Variants in PDE3B observed in about 807,000 individuals in gnomAD.
PDE3B encodes the protein phosphodiesterase 3B, also known as cGMP-inhibited 3',5'-cyclic phosphodiesterase 3B.
Under a neutral mutation model 116.8 loss-of-function variants are expected in PDE3B, and 66 were observed. That is an observed-to-expected ratio of 0.56 (90% CI 0.46 to 0.69). PDE3B has a LOEUF of 0.69. Ranked by LOEUF, PDE3B falls within the 30% of genes least tolerant of loss-of-function variation. The pLI, the probability that PDE3B is intolerant of heterozygous loss-of-function variation, is 0.00. For synonymous variants in PDE3B, 595 were observed against 533.6 expected, an observed-to-expected ratio of 1.12 and a Z score of -1.59; for missense variants, 1,384 against 1,368.1, an observed-to-expected ratio of 1.01 and a Z score of -0.18.
rs557007165 is a variant in PDE3B, at chr11:14,804,610, G to T, written c.1522+560G>T. ...CACATAGGTACAATTTTGTGATTGG[G>T]ATATACAATTACAAAATTCTTTTAT... is the stretch of plus-strand genomic sequence containing the variant. On this transcript the variant is annotated intron_variant, in intron 5 of 15. Transcript: ENST00000282096. 2.0e-5 allele frequency among the ~76,000 whole-genome samples: 3 copies of T among 151,936 alleles called. No individual in the cohort carries two copies. The South Asian group carries it at 6.2e-4, about 32-fold the overall frequency.
At chr11:14,753,084 C>A (rs1165513431) in intron 1 of PDE3B, among the ~76,000 whole-genome samples, 1 of 151,966 alleles carries the variant, frequency 6.6e-6, no homozygotes, top group Non-Finnish European at 1.5e-5. Context: ...CTGTTTTTCC[C>A]CTTTGTTTCC....
intron 1 of PDE3B, among the ~76,000 whole-genome samples, chr11:14,679,333 C>T (rs925075411): frequency 1.3e-5 from 2 of 151,816 alleles, no homozygotes; most frequent in African/African-American, 4.8e-5. Context: ...CTCTTGAGCC[C>T]CTATGTGTGG....
intron 1 of PDE3B, among the ~76,000 whole-genome samples, chr11:14,692,502 T>TA (rs1379703064): frequency 8.5e-5 from 13 of 152,188 alleles, no homozygotes; most frequent in African/African-American, 3.1e-4. Flanking sequence ...CCATTTTTCT[T>TA]ACAGCATATG....
intron 1 of PDE3B, among the ~76,000 whole-genome samples, chr11:14,766,955 A>G (rs1293803851): frequency 2.6e-5 from 4 of 151,684 alleles, no homozygotes; most frequent in East Asian, 3.9e-4. Context: ...ACTTCAGTGC[A>G]TTTATCAAGC....
At chr11:14,652,382 T>C (rs1853595076) in intron 1 of PDE3B, among the ~76,000 whole-genome samples, 1 of 152,188 alleles carries the variant, frequency 6.6e-6, no homozygotes, top group Non-Finnish European at 1.5e-5. Flanking sequence ...TTGATTATTG[T>C]ATCTTTTAGT....
rs66919202 is a variant in PDE3B, at chr11:14,749,899, C to CATATATATATATATAT, written c.979-22024_979-22023insATATATATATATATAT. ...TTATAGATTTAAAATAAATATATCC[C>CATATATATATATATAT]ATATATATATATATGTATCTTTGTG... is the stretch of plus-strand genomic sequence containing the variant. On this transcript the variant is annotated intron_variant, in intron 1 of 15. Coordinates refer to ENST00000282096, the MANE Select transcript of PDE3B (RefSeq NM_000922.4). Among the ~76,000 whole-genome samples the CATATATATATATATAT allele has an allele frequency of 4.7e-3, 362 of 77,614 alleles. 48 individuals carry two copies. The highest frequency in any genetic ancestry group is 0.017 in the East Asian group (50 of 2,994). The allele number at this position is 77,614 out of a possible 152,430, so 50.9% of individuals were successfully genotyped here.
chr11:14,762,910 C>T (rs184648742), intron 1 of PDE3B, among the ~76,000 whole-genome samples: 49 of 152,236 alleles, frequency 3.2e-4, no homozygotes, highest in African/African-American at 1.2e-3. Context: ...GGAGGAAGGT[C>T]AGTTCAGTTT....
At chr11:14,768,067 T>C (rs1208256465) in intron 1 of PDE3B, among the ~76,000 whole-genome samples, 1 of 151,182 alleles carries the variant, frequency 6.6e-6, no homozygotes, top group African/African-American at 2.4e-5. Context: ...GAACCTACCA[T>C]GTTAAAAAAA....
At chr11:14,806,808 G>T (rs1338509619) in intron 5 of PDE3B, among the ~76,000 whole-genome samples, 1 of 136,318 alleles carries the variant, frequency 7.3e-6, no homozygotes, top group Non-Finnish European at 1.5e-5. Context: ...GCAGTGAGCC[G>T]AGATCCCACC....
At chr11:14,852,939 T>C (rs1343339477) in intron 12 of PDE3B, among the ~76,000 whole-genome samples, 4 of 151,894 alleles carry the variant, frequency 2.6e-5, no homozygotes, top group Non-Finnish European at 4.4e-5. Context: ...GCATTCACCT[T>C]ACCCCTAGTA....
chr11:14,802,317 G>A (rs1226580721), intron 4 of PDE3B, among the ~76,000 whole-genome samples: 3 of 152,182 alleles, frequency 2.0e-5, no homozygotes, highest in Non-Finnish European at 2.9e-5. Flanking sequence ...TGTGGATTGC[G>A]AAGACTGGGA....
chr11:14,733,687 G>T (rs563334044), intron 1 of PDE3B, among the ~76,000 whole-genome samples: 1 of 152,020 alleles, frequency 6.6e-6, no homozygotes, highest in South Asian at 2.1e-4. Flanking sequence ...GGAAATGGTG[G>T]GTCTGAAAAG....
chr11:14,845,219 A>T (rs544160757), intron 12 of PDE3B, among the ~76,000 whole-genome samples: 3 of 152,062 alleles, frequency 2.0e-5, no homozygotes, highest in Non-Finnish European at 2.9e-5. Context: ...GCTGGTACCC[A>T]GGCAAACAGG....
At chr11:14,668,337 C>G (rs1262931158) in intron 1 of PDE3B, among the ~76,000 whole-genome samples, 1 of 152,094 alleles carries the variant, frequency 6.6e-6, no homozygotes, top group Non-Finnish European at 1.5e-5. Context: ...TTCTTTCTCT[C>G]AAAATCCTTT....
intron 4 of PDE3B, among the ~76,000 whole-genome samples, chr11:14,793,799 C>T (rs757965182): frequency 2.6e-5 from 4 of 152,100 alleles, no homozygotes; most frequent in South Asian, 2.1e-4. Context: ...TCTAATAACT[C>T]GTTGCCTGGC....
chr11:14,806,316 C>T (rs1054915909), intron 5 of PDE3B, among the ~76,000 whole-genome samples: 1 of 150,502 alleles, frequency 6.6e-6, no homozygotes, highest in African/African-American at 2.4e-5. Context: ...GGCGTGGTGG[C>T]AGGCACCTGT....
At chr11:14,740,301 G>A (rs1856725913) in intron 1 of PDE3B, among the ~76,000 whole-genome samples, 1 of 152,138 alleles carries the variant, frequency 6.6e-6, no homozygotes, top group Admixed American at 6.5e-5. Context: ...TCTATTCAAG[G>A]ATTTGACTTC....
At chr11:14,776,149 A>C (rs749406390) in intron 2 of PDE3B, 1 of 152,296 alleles carries the variant, frequency 6.6e-6, no homozygotes, top group African/African-American at 2.4e-5. Flanking sequence ...TCAACCTAGC[A>C]ACATAAGGTG....
intron 1 of PDE3B, among the ~76,000 whole-genome samples, chr11:14,689,034 A>G (rs1854971963): frequency 1.3e-5 from 2 of 152,154 alleles, no homozygotes; most frequent in South Asian, 4.1e-4. Context: ...CGGCCTCCCA[A>G]AGTGCTGGGA....
Sources: gnomAD v4.1 joint callset for allele counts (sites outside exome capture counted in the v4.1 genomes callset) on GRCh38, gnomAD v4.1.1 for gene constraint, MANE v1.5 for transcripts, NCBI Gene and HGNC (gene_info 2026-07-23, HGNC 2026-07-21) for gene names.